Variants in SLC44A5 observed in about 807,000 individuals in gnomAD.
SLC44A5 encodes choline transporter-like protein 5.
A neutral mutation model predicts 101.8 loss-of-function variants in SLC44A5; 57 were observed. The ratio of observed to expected loss-of-function variants is 0.56; its 90% CI spans 0.45 to 0.70. The LOEUF is 0.70. SLC44A5 is among the 30% of genes least tolerant of loss of function. The pLI, the probability that SLC44A5 is intolerant of heterozygous loss-of-function variation, is 0.00. For synonymous variants in SLC44A5, 281 were observed against 290.9 expected (o/e 0.97, Z 0.35); for missense variants, 737 against 853.1 (o/e 0.86, Z 1.70).
At chr1:75,458,647 T>C (rs958888644) in intron 2 of SLC44A5, among the ~76,000 whole-genome samples, 2 of 152,202 alleles carry the variant, frequency 1.3e-5, no homozygotes, top group South Asian at 4.1e-4. Flanking sequence ...TGGGAATATG[T>C]AAAAAATGAA....
At chr1:75,349,010 T>G (rs1276137682) in intron 3 of SLC44A5, among the ~76,000 whole-genome samples, 1 of 152,168 alleles carries the variant, frequency 6.6e-6, no homozygotes, top group Non-Finnish European at 1.5e-5. Flanking sequence ...CAACATAAAT[T>G]ATTTAGAATG....
At chr1:75,369,146 T>C (rs1660059355) in intron 3 of SLC44A5, among the ~76,000 whole-genome samples, 1 of 152,066 alleles carries the variant, frequency 6.6e-6, no homozygotes, top group African/African-American at 2.4e-5. Flanking sequence ...CCTGAGTAGC[T>C]ATGACTACTG....
At chr1:75,232,757 T>C (rs538465102) in intron 12 of SLC44A5, among the ~76,000 whole-genome samples, 4 of 152,300 alleles carry the variant, frequency 2.6e-5, no homozygotes, top group East Asian at 1.9e-4. Context: ...GAGATGAAGA[T>C]ACCATTATTA....
chr1:75,443,715 T>G (rs1265155530), intron 2 of SLC44A5, among the ~76,000 whole-genome samples: 1 of 151,768 alleles, frequency 6.6e-6, no homozygotes, highest in Non-Finnish European at 1.5e-5. Context: ...ACTCCCATTT[T>G]ATTATCTAGT....
chr1:75,693,743 G>A, the SLC44A5 span, among the ~76,000 whole-genome samples: 5 of 152,280 alleles, frequency 3.3e-5, no homozygotes, highest in African/African-American at 1.2e-4. Context: ...AGTGAGGTAG[G>A]AGAAAATCTA....
the SLC44A5 span, among the ~76,000 whole-genome samples, chr1:75,680,827 GT>G: frequency 0.24 from 35,761 of 150,438 alleles, 4,556 homozygotes; most frequent in Non-Finnish European, 0.3. Context: ...CCAGGAGCTG[GT>G]TTTTTGAAAG....
intron 2 of SLC44A5, among the ~76,000 whole-genome samples, chr1:75,431,991 A>C (rs1388608396): frequency 1.3e-5 from 2 of 152,160 alleles, no homozygotes; most frequent in Non-Finnish European, 2.9e-5. Flanking sequence ...CTATGTGTAG[A>C]CAGTCTCCAC....
intron 3 of SLC44A5, among the ~76,000 whole-genome samples, chr1:75,389,728 A>G (rs977786682): frequency 2.0e-5 from 3 of 152,198 alleles, no homozygotes; most frequent in Non-Finnish European, 4.4e-5. Flanking sequence ...TCTCAAATTA[A>G]CAATCTAATA....
chr1:75,686,812 T>A, the SLC44A5 span, among the ~76,000 whole-genome samples: 1 of 152,152 alleles, frequency 6.6e-6, no homozygotes. Context: ...GTGGACAGAT[T>A]CAGGATATAT....
rs138021325 is a variant in SLC44A5 at position 75,393,732 on chromosome 1, T to G, written c.52+2851A>C. On this transcript the variant is annotated intron_variant, in intron 3 of 23. Transcript: ENST00000370859. ...TGATTTTGAAAATAGGAACTGTAAT[T>G]ATAAACAGATTTGTCTGATTATTTT... 5.3e-3 allele frequency among the ~76,000 whole-genome samples: 805 copies of G among 152,320 alleles called. 6 individuals are homozygous for G. The highest frequency in any genetic ancestry group is 0.018 in the African/African-American group (759 of 41,570).
At chr1:75,310,967 A>G (rs1210891533) in intron 4 of SLC44A5, among the ~76,000 whole-genome samples, 2 of 152,054 alleles carry the variant, frequency 1.3e-5, no homozygotes, top group African/African-American at 4.8e-5. Context: ...TAGTAAATAT[A>G]TACATTTACA....
intron 2 of SLC44A5, among the ~76,000 whole-genome samples, chr1:75,531,102 A>T (rs1670696318): frequency 6.6e-6 from 1 of 152,190 alleles, no homozygotes; most frequent in East Asian, 1.9e-4. Context: ...TGCCCCCCAG[A>T]TTGCCTTTCA....
At chr1:75,712,833 T>C in the SLC44A5 span, among the ~76,000 whole-genome samples, 1 of 152,110 alleles carries the variant, frequency 6.6e-6, no homozygotes, top group African/African-American at 2.4e-5. Context: ...ATATGAATGC[T>C]ACCAAGAGTT....
At chr1:75,259,793 A>C (rs1288540600) in intron 6 of SLC44A5, among the ~76,000 whole-genome samples, 1 of 152,192 alleles carries the variant, frequency 6.6e-6, no homozygotes, top group Non-Finnish European at 1.5e-5. Flanking sequence ...AGGTCAGGTT[A>C]CCCACAACGG....
chr1:75,286,925 T>C, intron 5 of SLC44A5, among the ~76,000 whole-genome samples: 1 of 152,102 alleles, frequency 6.6e-6, no homozygotes, highest in African/African-American at 2.4e-5. Context: ...ATGTATATGA[T>C]GATCTTTTTG....
At chr1:75,553,268 G>A (rs1672040063) in intron 1 of SLC44A5, among the ~76,000 whole-genome samples, 1 of 152,136 alleles carries the variant, frequency 6.6e-6, no homozygotes, top group African/African-American at 2.4e-5. Flanking sequence ...AGGTTCTAAG[G>A]AGTACAAGAG....
the SLC44A5 span, among the ~76,000 whole-genome samples, chr1:75,700,185 C>A: frequency 1.3e-5 from 2 of 152,106 alleles, no homozygotes; most frequent in Non-Finnish European, 2.9e-5. Flanking sequence ...ATCTCCACCC[C>A]GAATCAACAG....
the SLC44A5 span, among the ~76,000 whole-genome samples, chr1:75,636,938 AG>A: frequency 6.6e-6 from 1 of 152,072 alleles, no homozygotes; most frequent in African/African-American, 2.4e-5. Flanking sequence ...TGAGCAGTAG[AG>A]AAAATGGGCA....
intron 2 of SLC44A5, among the ~76,000 whole-genome samples, chr1:75,489,822 C>T (rs1364872115): frequency 6.6e-6 from 1 of 152,136 alleles, no homozygotes; most frequent in African/African-American, 2.4e-5. Flanking sequence ...TAGATGTACT[C>T]ACTTTTAATA....
Sources: allele counts gnomAD v4.1 joint callset (sites outside exome capture counted in the v4.1 genomes callset), GRCh38; gene constraint gnomAD v4.1.1; transcripts MANE v1.5; gene names NCBI Gene and HGNC (gene_info 2026-07-23, HGNC 2026-07-21).